Variants in SLFN13 observed in about 807,000 individuals in gnomAD.
The protein encoded by SLFN13 is schlafen family member 13, also known as schlafen-13.
Under a neutral mutation model 50.6 loss-of-function variants are expected in SLFN13, and 43 were observed. That is an observed-to-expected ratio of 0.85 (90% CI 0.67 to 1.09). SLFN13 has a LOEUF of 1.09. Among genes scored for constraint, SLFN13 ranks in the 50% least tolerant of loss-of-function variants. SLFN13 has a pLI of 0.00. For synonymous variants in SLFN13, 339 were observed against 386.5 expected (o/e 0.88, Z 1.44); for missense variants, 881 against 1,071.1 (o/e 0.82, Z 2.48).
rs1181444614 is a variant in SLFN13, at chr17:35,440,040, A to G, written c.*555T>C. On this transcript the variant is annotated 3_prime_UTR_variant, in exon 6 of 6. Transcript: ENST00000285013. Reference sequence around the variant, plus strand: ...TAACAATATTGTTTGTTCTGCCGAAATGATTAATCTGACAGTGACTGAATT... The same window carrying G: ...TAACAATATTGTTTGTTCTGCCGAAGTGATTAATCTGACAGTGACTGAATT... The G allele has an allele frequency of 6.5e-6, 1 of 152,996 alleles. No homozygotes were observed. The highest frequency in any genetic ancestry group is 6.5e-5 in the Admixed American group (1 of 15,368). The allele number at this position is 152,996 out of a possible 1,614,324, so 9.5% of individuals were successfully genotyped here.
At position 35,441,016 on chromosome 17, in the gene SLFN13, TG is replaced by T; in HGVS notation, c.2272del (p.His758MetfsTer31). 6.2e-7 allele frequency: 1 copy of T among 1,612,968 alleles called. No individual in the cohort carries two copies. Among genetic ancestry groups the T allele is most frequent in the Non-Finnish European group, 8.5e-7 (1 of 1,180,012 alleles). ...TTCACTGAGAATTGCCAGATACCCA[TG>T]GGGGATATTAATTGGAGGATTTTCT... ...IIENPPINIP[H>X]GYLAILSEAK... is the part of the protein sequence containing the mutation. On this transcript the variant is annotated frameshift_variant, in exon 6 of 6. Coordinates refer to ENST00000285013, the MANE Select transcript of SLFN13 (RefSeq NM_144682.6). LOFTEE classifies it low-confidence loss of function (END_TRUNC).
chr17:35,443,962 G>A, intron 3 of SLFN13, 42 bp from the exon 4 acceptor site: 1 of 1,593,788 alleles, frequency 6.3e-7, no homozygotes, highest in Non-Finnish European at 8.6e-7. Flanking sequence ...ATGATTTCAT[G>A]TCTCGCTATT....
In SLFN13 at chr17:35,444,607, C is replaced by A. The variant is rs746146053; in HGVS notation, c.1066+8G>T. The A allele has an allele frequency of 1.2e-6, 2 of 1,610,682 alleles. No individual in the cohort carries two copies. The highest frequency in any genetic ancestry group is 2.2e-5 in the South Asian group (2 of 90,806). On this transcript the variant is annotated splice_region_variant and intron_variant, in intron 3 of 5. Transcript: ENST00000285013. ...AGGTCAGGAAGGGAGAATCTGGTTCCCTCTTACCTGGATCTGCGTCCATCA... is the reference window on the plus strand; with the variant it reads ...AGGTCAGGAAGGGAGAATCTGGTTCACTCTTACCTGGATCTGCGTCCATCA...
rs1367846755 is a variant in SLFN13 at position 35,437,051 on chromosome 17, G to C, written c.*3544C>G. 6.6e-6 allele frequency: 1 copy of C among 152,064 alleles called. No individual in the cohort carries two copies. Among genetic ancestry groups the C allele is most frequent in the Non-Finnish European group, 1.5e-5 (1 of 68,010 alleles). 9.4% of individuals were successfully genotyped at this position (152,064 alleles called of 1,614,324 possible). A position where few individuals can be genotyped will look rare whatever the true frequency, so the allele number is the denominator to read the frequency against. On this transcript the variant is annotated 3_prime_UTR_variant, in exon 6 of 6. Coordinates refer to ENST00000285013, the MANE Select transcript of SLFN13 (RefSeq NM_144682.6). ...TTAGTGGTAAATGGGAACCCTGTCC[G>C]CTACTTACTTTTGAATCTCAGGAAG...
rs571854442 is a variant in SLFN13, at chr17:35,441,585, G to C, written c.1900C>G (p.Gln634Glu). 84 of 1,604,746 alleles carry C rather than the reference G, an allele frequency of 5.2e-5. No individual in the cohort carries two copies. The East Asian group carries it at 1.7e-3, about 33-fold the overall frequency. ...AHRILYVCEN[Q>E]PLRNFISDRN... ...TACCTGATAAAGTTCCTCAGAGGCTGGTTTTCACAAACGTAGAGAATTCTG... is the reference window on the plus strand; with the variant it reads ...TACCTGATAAAGTTCCTCAGAGGCTCGTTTTCACAAACGTAGAGAATTCTG... The change falls in exon 5 of 6, where the codon CAG becomes GAG. Residue 634 changes from glutamine to glutamate, a missense_variant. Physicochemically the swap from Gln to Glu is conservative, Grantham distance 29 (BLOSUM62 2). This residue lies in a region of SLFN13 where 322 missense variants were observed against 327.4 expected (regional missense o/e 0.98). Transcript: ENST00000285013.
intron 4 of SLFN13, among the ~76,000 whole-genome samples, chr17:35,443,489 T>C (rs1913030867): frequency 6.6e-6 from 1 of 152,198 alleles, no homozygotes; most frequent in South Asian, 2.1e-4. Context: ...TTTGGGAAGC[T>C]TGCCCAAATG....
rs890396790 is a variant in SLFN13, at chr17:35,437,030, T to C, written c.*3565A>G. ...AGGAAACACCCACTGAAGTATTTAG[T>C]GGTAAATGGGAACCCTGTCCGCTAC... On this transcript the variant is annotated 3_prime_UTR_variant, in exon 6 of 6. Coordinates refer to ENST00000285013, the MANE Select transcript of SLFN13 (RefSeq NM_144682.6). The C allele has an allele frequency of 1.3e-5, 2 of 152,058 alleles. No homozygotes were observed. The highest frequency in any genetic ancestry group is 4.8e-5 in the African/African-American group (2 of 41,424). 9.4% of individuals were successfully genotyped at this position (152,058 alleles called of 1,614,324 possible). A position where few individuals can be genotyped will look rare whatever the true frequency, so the allele number is the denominator to read the frequency against.
Position 35,442,107 on chromosome 17 carries a change from C to T in SLFN13, c.1378G>A (p.Asp460Asn), listed in dbSNP as rs1293093851. The T allele has an allele frequency of 6.2e-7, 1 of 1,614,134 alleles. No individual in the cohort carries two copies. Among genetic ancestry groups the T allele is most frequent in the African/African-American group, 1.3e-5 (1 of 74,950 alleles). Residue 460 changes from aspartate (D) to asparagine (N), a missense_variant, in exon 5 of 6, where the codon GAT becomes AAT. Transcript: ENST00000285013. ...CTGTTCTGTGCTATCAGCAGAGCAT[C>T]ACAGATGACTCCTGGCTTCTCCTGC... ...NLQEKPGVIC[D>N]ALLIAQNSTP...
Position 35,444,982 on chromosome 17 carries a change from G to A in SLFN13, c.699C>T (p.Tyr233=). 1.9e-6 allele frequency: 3 copies of A among 1,614,108 alleles called. No individual in the cohort carries two copies. Among genetic ancestry groups the A allele is most frequent in the East Asian group, 2.2e-5 (1 of 44,884 alleles). The change falls in exon 3 of 6, where the codon TAC becomes TAT. Residue 233 remains tyrosine, a synonymous_variant. Transcript: ENST00000285013. ...CCTCAGTGTTTGCAAATGCAGAGAT[G>A]TACTCTGGAATTATATTTTCTACAT... The part of the protein sequence containing the change: ...QQYVENIIPE[Y]ISAFANTEGG...
At chr17:35,443,947 A>G (rs749976331) in intron 3 of SLFN13, 27 bp from the exon 4 acceptor site, 3 of 1,605,268 alleles carry the variant, frequency 1.9e-6, no homozygotes, top group East Asian at 4.5e-5. Context: ...TTTAATTTAC[A>G]CTATATGATT....
Position 35,436,855 on chromosome 17 carries a change from CAA to C in SLFN13, c.*3738_*3739del, listed in dbSNP as rs1912658451. On this transcript the variant is annotated 3_prime_UTR_variant, in exon 6 of 6. Coordinates refer to ENST00000285013, the MANE Select transcript of SLFN13 (RefSeq NM_144682.6). ...CTCAATACAATGCATGATCTTAGAT[CAA>C]ATCCTGGACCAGAACTTTTTCTCTT... is the stretch of plus-strand genomic sequence containing the variant. The C allele has an allele frequency of 6.6e-6, 1 of 152,102 alleles. No homozygotes were observed. Among genetic ancestry groups the C allele is most frequent in the Non-Finnish European group, 1.5e-5 (1 of 68,024 alleles). 9.4% of individuals were successfully genotyped at this position (152,102 alleles called of 1,614,324 possible).
chr17:35,448,045 T>TTATTAG (rs1555615987), intron 1 of SLFN13, among the ~76,000 whole-genome samples: 2 of 148,946 alleles, frequency 1.3e-5, no homozygotes, highest in African/African-American at 4.9e-5. Flanking sequence ...TAGTATTATA[T>TTATTAG]TATTATTATT....
Position 35,445,345 on chromosome 17 carries a change from C to A in SLFN13, c.336G>T (p.Trp112Cys). ...CATCTTTAAGGAAAGGATCACCACT[C>A]CAAGATTTAACAAAAATATAAAAAC... Reference protein sequence around the residue: ...GRCFYIFVKSWSGDPFLKDGS... With the variant: ...GRCFYIFVKSCSGDPFLKDGS... The change falls in exon 3 of 6, where the codon TGG becomes TGT. Residue 112 changes from tryptophan (W) to cysteine (C), a missense_variant. By Grantham distance (215) the Trp-to-Cys change is radical. Coordinates refer to ENST00000285013, the MANE Select transcript of SLFN13 (RefSeq NM_144682.6). The A allele has an allele frequency of 6.2e-7, 1 of 1,613,758 alleles. No homozygotes were observed. The highest frequency in any genetic ancestry group is 8.5e-7 in the Non-Finnish European group (1 of 1,179,960).
At chr17:35,445,879 T>G (rs1913190639) in intron 2 of SLFN13, 186 bp from the exon 3 acceptor site, 1 of 532,670 alleles carries the variant, frequency 1.9e-6, no homozygotes, top group Non-Finnish European at 3.2e-6. Context: ...AAATTAGCCT[T>G]TACCATCATC....
At position 35,444,783 on chromosome 17, in the gene SLFN13, C is replaced by G; in HGVS notation, c.898G>C (p.Glu300Gln). 1 of 1,614,204 alleles carries G rather than the reference C, an allele frequency of 6.2e-7. No homozygotes were observed. The highest frequency in any genetic ancestry group is 8.5e-7 in the Non-Finnish European group (1 of 1,180,040). ...PRVEYSTKIV[E>Q]VFCGKELYGY... is the part of the protein sequence containing the mutation. ...TACAACTCTTTCCCACAAAACACTT[C>G]TACGATTTTGGTGCTGTACTCTACC... Residue 300 changes from glutamate (E) to glutamine (Q), a missense_variant, in exon 3 of 6, where the codon GAA becomes CAA. Physicochemically the swap from Glu to Gln is conservative, Grantham distance 29. This residue lies in a region of SLFN13 where 497 missense variants were observed against 518.3 expected (regional missense o/e 0.96). Coordinates refer to ENST00000285013, the MANE Select transcript of SLFN13 (RefSeq NM_144682.6).
At chr17:35,449,503 G>T (rs1210996301), upstream of SLFN13, among the ~76,000 whole-genome samples, 1 of 152,092 alleles carries the variant, frequency 6.6e-6, no homozygotes, top group Non-Finnish European at 1.5e-5. Context: ...CAGAAAGTGG[G>T]CCTTGAGACC....
At position 35,437,789 on chromosome 17, in the gene SLFN13, CTTGCA is replaced by C. The variant is rs1410636722; in HGVS notation, c.*2801_*2805del. On this transcript the variant is annotated 3_prime_UTR_variant, in exon 6 of 6. Coordinates refer to ENST00000285013, the MANE Select transcript of SLFN13 (RefSeq NM_144682.6). ...GTATATAGGAACTTTCTGTACTATG[CTTGCA>C]ACTTTTCTATATGTCTGAACTAAAA... is the stretch of plus-strand genomic sequence containing the variant. The C allele has an allele frequency of 1.7e-5, 1 of 57,240 alleles. No individual in the cohort carries two copies. Among genetic ancestry groups the C allele is most frequent in the Non-Finnish European group, 3.7e-5 (1 of 26,848 alleles). 3.5% of individuals were successfully genotyped at this position (57,240 alleles called of 1,614,324 possible).
At chr17:35,442,521 G>T (rs1286697929) in intron 4 of SLFN13, among the ~76,000 whole-genome samples, 1 of 152,206 alleles carries the variant, frequency 6.6e-6, no homozygotes, top group African/African-American at 2.4e-5. Context: ...TTGGCTCACT[G>T]CAAGCTCTGC....
chr17:35,447,037 T>C (rs556953317), intron 2 of SLFN13: 5 of 152,322 alleles, frequency 3.3e-5, no homozygotes, highest in South Asian at 2.1e-4. Context: ...TAGTTTTTCA[T>C]TGGTAACTGT....
Sources: allele counts gnomAD v4.1 joint callset (sites outside exome capture counted in the v4.1 genomes callset), GRCh38; gene constraint gnomAD v4.1.1; regional missense constraint gnomAD v4.1.1; transcripts MANE v1.5; gene names NCBI Gene and HGNC (gene_info 2026-07-23, HGNC 2026-07-21).